The following PCDH15 variants were observed in gnomAD, a reference collection of about 807,000 sequenced individuals.
PCDH15 encodes the protein protocadherin related 15.
In PCDH15, 129 loss-of-function variants were observed where a neutral mutation model predicts 178.5. The ratio of observed to expected loss-of-function variants is 0.72; its 90% CI spans 0.63 to 0.84. The LOEUF (loss-of-function observed/expected upper bound fraction) is 0.84, where lower values mean the gene tolerates loss of function less well. PCDH15 is among the 40% of genes least tolerant of loss of function. The pLI is 0.00. For synonymous variants in PCDH15, 800 were observed against 732.0 expected (o/e 1.09, Z -1.50); for missense variants, 2,230 against 2,099.9 (o/e 1.06, Z -1.21).
intron 2 of PCDH15, among the ~76,000 whole-genome samples, chr10:55,400,281 T>G (rs990603444): frequency 6.6e-6 from 1 of 152,100 alleles, no homozygotes; most frequent in African/African-American, 2.4e-5. Flanking sequence ...TATTGTGATG[T>G]TGGCTGAGTG....
rs535877558 is a variant in PCDH15 at position 54,052,738 on chromosome 10, CA to C, written c.2220+14018del. 2.1e-3 allele frequency among the ~76,000 whole-genome samples: 327 copies of C among 152,096 alleles called. 1 individual carries two copies. The highest frequency in any genetic ancestry group is 7.0e-3 in the African/African-American group (290 of 41,492). ...TGAGGACATGAGGTTTGGGAGGGGT[CA>C]GGGGCAGAATGATATGGTTTAGCTG... On this transcript the variant is annotated intron_variant, in intron 18 of 37. Coordinates refer to ENST00000644397, the MANE Select transcript of PCDH15 (RefSeq NM_001384140.1).
chr10:54,085,291 T>A (rs896937160), intron 16 of PCDH15, among the ~76,000 whole-genome samples: 4 of 151,534 alleles, frequency 2.6e-5, no homozygotes, highest in African/African-American at 4.8e-5. Context: ...AGAAAAAAAA[T>A]TTTAATAGAA....
chr10:54,183,307 GC>G (rs1814333256), intron 13 of PCDH15, 136 bp downstream of exon 13: 5 of 875,626 alleles, frequency 5.7e-6, no homozygotes, highest in Admixed American at 1.9e-5. Flanking sequence ...GAAATTTAAA[GC>G]TATTTAAACT....
rs117716171 is a variant in PCDH15, at chr10:55,201,296, A to G, written c.-155-34645T>C. On this transcript the variant is annotated intron_variant, in intron 1 of 5. Coordinates refer to the PCDH15 transcript ENST00000458638. The stretch of plus-strand genomic sequence containing the variant: ...GAGCCTGAAGATGAATAAATCACAT[A>G]ATAAGATGATCTGAATCATTAATTC... Among the ~76,000 whole-genome samples the G allele has an allele frequency of 2.0e-3, 307 of 152,218 alleles. 1 individual carries two copies. Among genetic ancestry groups the G allele is most frequent in the Non-Finnish European group, 3.7e-3 (254 of 68,024 alleles).
chr10:54,352,606 C>T (rs542691703), intron 5 of PCDH15, among the ~76,000 whole-genome samples: 1 of 152,216 alleles, frequency 6.6e-6, no homozygotes, highest in South Asian at 2.1e-4. Flanking sequence ...ACCGGGGTGG[C>T]AGGTGCTCTA....
intron 8 of PCDH15, among the ~76,000 whole-genome samples, chr10:54,310,364 A>G (rs2060829474): frequency 6.6e-6 from 1 of 152,104 alleles, no homozygotes; most frequent in Non-Finnish European, 1.5e-5. Flanking sequence ...AGTTTAGAGT[A>G]TGTCTTTAAA....
chr10:55,182,019 G>T (rs1011973142), intron 1 of PCDH15, among the ~76,000 whole-genome samples: 1 of 151,848 alleles, frequency 6.6e-6, no homozygotes, highest in Non-Finnish European at 1.5e-5. Context: ...AAGATCCAGG[G>T]TTTCAACATG....
chr10:54,514,449 T>G (rs757926198), intron 3 of PCDH15, among the ~76,000 whole-genome samples: 1 of 152,044 alleles, frequency 6.6e-6, no homozygotes, highest in African/African-American at 2.4e-5. Flanking sequence ...TTTAAATTGC[T>G]GGTATTTTAG....
At chr10:53,910,531 T>C (rs2083007428) in intron 25 of PCDH15, among the ~76,000 whole-genome samples, 1 of 151,804 alleles carries the variant, frequency 6.6e-6, no homozygotes, top group Admixed American at 6.6e-5. Flanking sequence ...AGACCAAAGG[T>C]AGATAAAAAC....
intron 1 of PCDH15, among the ~76,000 whole-genome samples, chr10:54,747,932 A>G (rs1945682282): frequency 6.6e-6 from 1 of 151,606 alleles, no homozygotes; most frequent in Admixed American, 6.6e-5. Context: ...CAGCCTCCAG[A>G]GTAGCTGGGA....
rs1164712807 is a variant in PCDH15, at chr10:54,779,421, T to TAC, written c.-29+21502_-29+21503dup. ...ATATATATATGTATATATATATATA[T>TAC]ACACACACATATGTGTATATATATA... is the stretch of plus-strand genomic sequence containing the variant. On this transcript the variant is annotated intron_variant, in intron 1 of 37. Transcript: ENST00000644397. Among the ~76,000 whole-genome samples, 268 of 94,490 alleles carry TAC rather than the reference T, an allele frequency of 2.8e-3. 3 individuals carry two copies. The highest frequency in any genetic ancestry group is 9.6e-3 in the African/African-American group (256 of 26,702). 62.0% of individuals were successfully genotyped at this position (94,490 alleles called of 152,430 possible).
chr10:55,030,754 T>C (rs1172684947), intron 2 of PCDH15, among the ~76,000 whole-genome samples: 2 of 152,076 alleles, frequency 1.3e-5, no homozygotes, highest in Admixed American at 1.3e-4. Flanking sequence ...TTTTCACGAA[T>C]AGAAAAATTG....
chr10:54,869,233 A>G (rs4935123), intron 3 of PCDH15: 150,725 of 152,208 alleles, frequency 0.99, 74,640 homozygotes, highest in East Asian at 1. Flanking sequence ...GGAGTTATGC[A>G]GCTACAAGCC....
chr10:54,550,069 C>G (rs1462043482), intron 2 of PCDH15, among the ~76,000 whole-genome samples: 1 of 152,066 alleles, frequency 6.6e-6, no homozygotes, highest in East Asian at 1.9e-4. Context: ...TACAGACGCT[C>G]CAAAACAAAT....
At chr10:54,877,730 C>A (rs988100331) in intron 3 of PCDH15, among the ~76,000 whole-genome samples, 1 of 152,022 alleles carries the variant, frequency 6.6e-6, no homozygotes, top group African/African-American at 2.4e-5. Flanking sequence ...TGCCCAATAG[C>A]CAAAACAGTT....
intron 2 of PCDH15, among the ~76,000 whole-genome samples, chr10:54,900,673 T>G (rs2131825007): frequency 6.6e-6 from 1 of 152,304 alleles, no homozygotes; most frequent in Middle Eastern, 3.4e-3. Context: ...AACAAAAAGT[T>G]TATATATGAC....
intron 2 of PCDH15, among the ~76,000 whole-genome samples, chr10:55,541,740 T>A (rs567612769): frequency 3.3e-5 from 5 of 151,950 alleles, no homozygotes; most frequent in African/African-American, 1.2e-4. Context: ...TATTCATTTT[T>A]ATTTGTACAT....
At chr10:55,016,752 G>T (rs1840191081) in intron 2 of PCDH15, among the ~76,000 whole-genome samples, 1 of 151,808 alleles carries the variant, frequency 6.6e-6, no homozygotes. Flanking sequence ...CTTTCTTTTG[G>T]GTATATACCT....
At chr10:54,148,708 G>A (rs1057323661) in intron 14 of PCDH15, among the ~76,000 whole-genome samples, 1 of 151,686 alleles carries the variant, frequency 6.6e-6, no homozygotes, top group Admixed American at 6.6e-5. Flanking sequence ...TCAACATGAC[G>A]TCACCTTAAG....
Sources: gnomAD v4.1 joint callset for allele counts (sites outside exome capture counted in the v4.1 genomes callset) on GRCh38, gnomAD v4.1.1 for gene constraint, MANE v1.5 for transcripts, NCBI Gene and HGNC (gene_info 2026-07-23, HGNC 2026-07-21) for gene names.